The following DST variants were observed in gnomAD, a reference collection of about 807,000 sequenced individuals.
DST encodes the protein dystonin.
Under a neutral mutation model 875.2 loss-of-function variants are expected in DST, and 253 were observed. That is an observed-to-expected ratio of 0.29 (90% CI 0.26 to 0.32). DST has a LOEUF of 0.32. DST is among the 10% of genes least tolerant of loss of function. The probability of loss-of-function intolerance (pLI) is 1.00; values close to 1 mark genes in which losing one functional copy is unlikely to be tolerated. For synonymous variants in DST, 3,124 were observed against 3,197.1 expected (o/e 0.98, Z 0.77); for missense variants, 8,287 against 9,111.6 (o/e 0.91, Z 3.68).
At chr6:56,495,807 T>C (rs1364105880) in intron 82 of DST, among the ~76,000 whole-genome samples, 1 of 152,124 alleles carries the variant, frequency 6.6e-6, no homozygotes, top group Non-Finnish European at 1.5e-5. Context: ...TACACCGAAT[T>C]AGTAGGACTT....
In DST at chr6:56,607,235, C is replaced by G. The variant is rs745799557; in HGVS notation, c.7393G>C (p.Glu2465Gln). 3 of 1,613,396 alleles carry G rather than the reference C, an allele frequency of 1.9e-6. No homozygotes were observed. The highest frequency in any genetic ancestry group is 3.3e-5 in the Admixed American group (2 of 59,898). ...HTPESNGNKC[E>Q]APALSFSDKT... ...TCACTGAATGATAAGGCTGGGGCTT[C>G]ACACTTATTTCCATTGCTCTCTGGG... The change falls in exon 40 of 104, where the codon GAA becomes CAA. Residue 2465 changes from glutamate to glutamine, a missense_variant. By Grantham distance (29) the Glu-to-Gln change is conservative (BLOSUM62 2). Around this residue, in one of 10 missense-constraint regions of DST, gnomAD observed 3,138 missense variants for 3,116.6 expected, o/e 1.01. Coordinates refer to ENST00000680361, the MANE Select transcript of DST (RefSeq NM_001374736.1).
At chr6:56,655,956 T>C (rs1441351203) in intron 10 of DST, among the ~76,000 whole-genome samples, 2 of 152,248 alleles carry the variant, frequency 1.3e-5, no homozygotes, top group African/African-American at 2.4e-5. Context: ...GTTTATATCC[T>C]CAATATCTAG....
chr6:56,534,988 A>T, intron 63 of DST, 134 bp downstream of exon 63: 1 of 1,008,358 alleles, frequency 9.9e-7, no homozygotes, highest in Non-Finnish European at 1.5e-6. Context: ...TCGAATGACT[A>T]ACAAAATAAT....
intron 55 of DST, among the ~76,000 whole-genome samples, chr6:56,562,621 T>C (rs2097556195): frequency 6.6e-6 from 1 of 151,990 alleles, no homozygotes; most frequent in Non-Finnish European, 1.5e-5. Context: ...TTTTAAGTTC[T>C]GGGATACATG....
intron 38 of DST, 113 bp downstream of exon 38, chr6:56,611,395 A>G: frequency 4.3e-6 from 3 of 695,872 alleles, no homozygotes; most frequent in Non-Finnish European, 7.6e-6. Context: ...AATTGTGATT[A>G]GTTTGAGTCC....
intron 4 of DST, among the ~76,000 whole-genome samples, chr6:56,739,400 T>C (rs2099538069): frequency 6.6e-6 from 1 of 152,154 alleles, no homozygotes; most frequent in South Asian, 2.1e-4. Flanking sequence ...TTCTCTTCAC[T>C]GATAAGTGCA....
At chr6:56,859,417 C>T (rs572016847) in intron 3 of DST, among the ~76,000 whole-genome samples, 4 of 152,120 alleles carry the variant, frequency 2.6e-5, no homozygotes, top group African/African-American at 9.6e-5. Flanking sequence ...TGCAAGTCCA[C>T]CTAAACCCAA....
Position 56,561,429 on chromosome 6 carries a change from T to G in DST, c.14189A>C (p.Gln4730Pro). 6.2e-7 allele frequency: 1 copy of G among 1,613,920 alleles called. No homozygotes were observed. The highest frequency in any genetic ancestry group is 1.1e-5 in the South Asian group (1 of 91,070). ...NTKLSKLQKAQEESSAMMQWL... is the reference protein window; with the variant it reads ...NTKLSKLQKAPEESSAMMQWL... ...CTGCATCATTGCACTTGATTCTTCC[T>G]GAGCCTTTTGCAATTTGGAGAGTTT... Residue 4730 changes from glutamine to proline, a missense_variant, in exon 57 of 104, where the codon CAG becomes CCG. Coordinates refer to ENST00000680361, the MANE Select transcript of DST (RefSeq NM_001374736.1).
At chr6:56,899,169 C>A (rs758511245) in intron 3 of DST, among the ~76,000 whole-genome samples, 7 of 152,212 alleles carry the variant, frequency 4.6e-5, no homozygotes, top group African/African-American at 7.2e-5. Context: ...GCCTGTTACA[C>A]ATTTAGCCCT....
At chr6:56,692,553 A>T (rs939791254) in intron 9 of DST, 1 of 1,289,586 alleles carries the variant, frequency 7.8e-7, no homozygotes, top group African/African-American at 1.5e-5. Flanking sequence ...CAGGAAACCC[A>T]CTTTTTTCGA....
intron 10 of DST, among the ~76,000 whole-genome samples, chr6:56,666,488 C>A (rs187395860): frequency 8.2e-4 from 125 of 152,100 alleles, no homozygotes; most frequent in Admixed American, 2.5e-3. Context: ...CTTGAGTATG[C>A]AAATTTGCTA....
At chr6:56,835,219 G>T (rs2099792170) in intron 4 of DST, among the ~76,000 whole-genome samples, 1 of 152,118 alleles carries the variant, frequency 6.6e-6, no homozygotes, top group African/African-American at 2.4e-5. Context: ...CAAACACAGA[G>T]GATTTGGGAG....
In DST at chr6:56,602,982, A is replaced by G; in HGVS notation, c.11207T>C (p.Phe3736Ser). 1 of 1,594,574 alleles carries G rather than the reference A, an allele frequency of 6.3e-7. No homozygotes were observed. Among genetic ancestry groups the G allele is most frequent in the Admixed American group, 1.8e-5 (1 of 54,916 alleles). The change falls in exon 43 of 104, where the codon TTC becomes TCC. Residue 3736 changes from phenylalanine (F) to serine (S), a missense_variant. Phe to Ser is a radical substitution (Grantham distance 155). This residue lies in a region of DST where 3,138 missense variants were observed against 3,116.6 expected (regional missense o/e 1.01). Coordinates refer to ENST00000680361, the MANE Select transcript of DST (RefSeq NM_001374736.1). ...HEEFLHKLKS[F>S]SDWVSEKSKS... ...GCTCTTCTCTGATACCCAATCTGAG[A>G]ATGACTTAAGTTTATGCAGAAATTC... is the stretch of plus-strand genomic sequence containing the variant.
Position 56,601,432 on chromosome 6 carries a change from G to T in DST, c.11541+11C>A. 1 of 1,553,786 alleles carries T rather than the reference G, an allele frequency of 6.4e-7. No individual in the cohort carries two copies. Among genetic ancestry groups the T allele is most frequent in the Non-Finnish European group, 8.8e-7 (1 of 1,140,940 alleles). ...AAACAATGAATGCCAACTCCACGAA[G>T]AAAGGCAAACCTTCTGATCATCAAG... is the stretch of plus-strand genomic sequence containing the variant. On this transcript the variant is annotated intron_variant, in intron 44 of 103. Coordinates refer to ENST00000680361, the MANE Select transcript of DST (RefSeq NM_001374736.1).
intron 9 of DST, among the ~76,000 whole-genome samples, chr6:56,690,615 AC>A (rs2099222029): frequency 6.6e-6 from 1 of 152,330 alleles, no homozygotes; most frequent in East Asian, 1.9e-4. Context: ...CCTACATGCA[AC>A]TCAGAGCAAA....
intron 9 of DST, chr6:56,693,101 C>T (rs1458777396): frequency 5.4e-6 from 7 of 1,289,032 alleles, no homozygotes; most frequent in South Asian, 1.2e-5. Flanking sequence ...GCAGGATCTA[C>T]ATATTGTTCT....
Position 56,572,948 on chromosome 6 carries a change from C to T in DST, c.13353G>A (p.Met4451Ile). Residue 4451 changes from methionine to isoleucine, a missense_variant, in exon 52 of 104, where the codon ATG (methionine) becomes ATA (isoleucine). Coordinates refer to ENST00000680361, the MANE Select transcript of DST (RefSeq NM_001374736.1). ...PSTASSLQAK[M>I]KDLSARFSEA... ...CTGAAAACCGAGCAGACAAGTCTTT[C>T]ATTTTGGCTTGCAGTGAGGATGCAG... 1 of 1,612,928 alleles carries T rather than the reference C, an allele frequency of 6.2e-7. No individual in the cohort carries two copies. Among genetic ancestry groups the T allele is most frequent in the Non-Finnish European group, 8.5e-7 (1 of 1,179,506 alleles).
intron 2 of DST, among the ~76,000 whole-genome samples, chr6:56,948,859 T>C (rs1243066327): frequency 2.0e-5 from 3 of 152,242 alleles, no homozygotes; most frequent in Admixed American, 1.3e-4. Context: ...GTTTTCATGG[T>C]GCCTCTACAG....
intron 10 of DST, among the ~76,000 whole-genome samples, chr6:56,668,656 T>A (rs2152824380): frequency 6.6e-6 from 1 of 152,156 alleles, no homozygotes; most frequent in South Asian, 2.1e-4. Context: ...TAATCCCAGC[T>A]ACTTGAGAGG....
Sources: gnomAD v4.1 joint callset for allele counts (sites outside exome capture counted in the v4.1 genomes callset) on GRCh38, gnomAD v4.1.1 for gene constraint, gnomAD v4.1.1 regional missense constraint, MANE v1.5 for transcripts, NCBI Gene and HGNC (gene_info 2026-07-23, HGNC 2026-07-21) for gene names.